PAH: variants seen among roughly 807,000 people sequenced by gnomAD.
PAH encodes the protein phenylalanine-4-hydroxylase.
In PAH, 64 loss-of-function variants were observed where a neutral mutation model predicts 62.0. The ratio of observed to expected loss-of-function variants is 1.03; its 90% confidence interval spans 0.84 to 1.27. The LOEUF is 1.27. PAH is among the 50% of genes most tolerant of loss of function. PAH has a pLI of 0.00. For synonymous variants in PAH, 195 were observed against 196.2 expected, an observed-to-expected ratio of 0.99 and a Z score of 0.05; for missense variants, 579 against 542.8, an observed-to-expected ratio of 1.07 and a Z score of -0.66.
At chr12:102,942,609 A>G (rs1879334667) in intron 1 of PAH, among the ~76,000 whole-genome samples, 1 of 152,082 alleles carries the variant, frequency 6.6e-6, no homozygotes, top group Non-Finnish European at 1.5e-5. Flanking sequence ...GGTATTCAAA[A>G]CAATCCTAAG....
chr12:102,951,758 AT>A (rs1329858281), upstream of PAH, among the ~76,000 whole-genome samples: 1 of 151,714 alleles, frequency 6.6e-6, no homozygotes, highest in Non-Finnish European at 1.5e-5. Flanking sequence ...TCTGTAGGGC[AT>A]TTTTCCCCCT....
intron 6 of PAH, chr12:102,854,824 C>CA: frequency 2.4e-6 from 1 of 421,088 alleles, no homozygotes; most frequent in African/African-American, 2.0e-5. Context: ...CAAAACAAAA[C>CA]AAAACAAAAA....
At chr12:102,903,388 A>AAC (rs3062646) in intron 2 of PAH, among the ~76,000 whole-genome samples, 44,124 of 147,842 alleles carry the variant, frequency 0.3, 7,246 homozygotes, top group African/African-American at 0.45. Context: ...ACACACACAA[A>AAC]AAACAAACAA....
Position 102,840,701 on chromosome 12 carries a change from A to G in PAH, c.1200-186T>C, listed in dbSNP as rs798709. 0.89 allele frequency among the ~76,000 whole-genome samples: 135,120 copies of G among 152,154 alleles called. 60,175 individuals are homozygous for G. Among genetic ancestry groups the G allele is most frequent in the African/African-American group, 0.95 (39,470 of 41,532 alleles). ...ATGAGTCTTCTTGGGAAGCCTCTGT[A>G]TGTGTGTATGTGTATGTACAAACAC... On this transcript the variant is annotated intron_variant, in intron 11 of 12. Transcript: ENST00000553106.
At chr12:102,886,450 T>C (rs1877047992) in intron 3 of PAH, among the ~76,000 whole-genome samples, 1 of 152,192 alleles carries the variant, frequency 6.6e-6, no homozygotes, top group Admixed American at 6.5e-5. Context: ...CTTTTTAAGA[T>C]ACTATGTATC....
At chr12:102,952,049 A>G (rs114622826), upstream of PAH, among the ~76,000 whole-genome samples, 403 of 152,126 alleles carry the variant, frequency 2.6e-3, 3 homozygotes, top group African/African-American at 8.9e-3. Flanking sequence ...ATAAGGGGAG[A>G]CTCAAGAGCG....
chr12:102,949,834 T>G (rs1291789186), intron 1 of PAH, among the ~76,000 whole-genome samples: 1 of 152,166 alleles, frequency 6.6e-6, no homozygotes, highest in African/African-American at 2.4e-5. Flanking sequence ...TTCTCCATGG[T>G]TGCCCCCACC....
At chr12:102,851,605 A>T in intron 8 of PAH, 82 bp downstream of exon 8, 2 of 1,116,794 alleles carry the variant, frequency 1.8e-6, no homozygotes, top group Non-Finnish European at 2.7e-6. Context: ...AGAGGGCATG[A>T]GGACCCCTCC....
At chr12:102,915,820 A>ATT (rs11384108) in intron 1 of PAH, among the ~76,000 whole-genome samples, 2 of 152,034 alleles carry the variant, frequency 1.3e-5, no homozygotes, top group Admixed American at 1.3e-4. Flanking sequence ...TATACAGCCT[A>ATT]TTTTTTTAAT....
chr12:102,958,344 ACGGCCGCAGCCGCGG>A lies in PAH; in HGVS notation c.-260_-246del, dbSNP rs533680685. On this transcript the variant is annotated 5_prime_UTR_variant, in exon 1 of 5. Coordinates refer to the PAH transcript ENST00000551337. ...GCCGCCCGCAGCCTGTTTCTTTGCC[ACGGCCGCAGCCGCGG>A]CGGCCGCAGCCGCCGCAGCGGCAGC... 2,741 of 1,452,160 alleles carry A rather than the reference ACGGCCGCAGCCGCGG, an allele frequency of 1.9e-3. 41 individuals carry two copies. Among genetic ancestry groups the A allele is most frequent in the African/African-American group, 0.016 (1,086 of 67,132 alleles). The allele number at this position is 1,452,160 out of a possible 1,614,324, so 90.0% of individuals were successfully genotyped here. A position where few individuals can be genotyped will look rare whatever the true frequency, so the allele number is the denominator to read the frequency against.
chr12:102,907,399 C>T lies in PAH; in HGVS notation c.168+5392G>A, dbSNP rs533102232. On this transcript the variant is annotated intron_variant, in intron 2 of 12. Coordinates refer to ENST00000553106, the MANE Select transcript of PAH (RefSeq NM_000277.3). Reference sequence around the variant, plus strand: ...GATTCAGAGTTCAATGCCATTTCCACTGCACATTAGCTGTGTGATCTTGAG... The same window carrying T: ...GATTCAGAGTTCAATGCCATTTCCATTGCACATTAGCTGTGTGATCTTGAG... Among the ~76,000 whole-genome samples the T allele has an allele frequency of 2.0e-5, 3 of 152,296 alleles. No individual in the cohort carries two copies. The South Asian group carries it at 6.2e-4, about 32-fold the overall frequency.
chr12:102,927,896 A>G (rs1498701), intron 1 of PAH, among the ~76,000 whole-genome samples: 9,181 of 152,246 alleles, frequency 0.06, 330 homozygotes, highest in Admixed American at 0.1. Flanking sequence ...TGTCACATTT[A>G]TTCTTTCCCA....
At chr12:102,942,798 A>T (rs1212202449) in intron 1 of PAH, among the ~76,000 whole-genome samples, 1 of 152,178 alleles carries the variant, frequency 6.6e-6, no homozygotes, top group Admixed American at 6.5e-5. Flanking sequence ...CAAAGCTGAC[A>T]ATCATAAGCA....
chr12:102,871,535 A>T (rs2067154516), intron 4 of PAH, among the ~76,000 whole-genome samples: 1 of 152,136 alleles, frequency 6.6e-6, no homozygotes, highest in African/African-American at 2.4e-5. Flanking sequence ...CACATATGTT[A>T]ATAATGATTA....
In PAH at chr12:102,896,269, T is replaced by C. The variant is rs558572882; in HGVS notation, c.169-1351A>G. On this transcript the variant is annotated intron_variant, in intron 2 of 12. Coordinates refer to ENST00000553106, the MANE Select transcript of PAH (RefSeq NM_000277.3). ...GAAGGCCGGAAGGTGGCAGCATGCC[T>C]GGCCTGTTGAAGAGACAGCCACAAG... Among the ~76,000 whole-genome samples the C allele has an allele frequency of 2.6e-5, 4 of 152,308 alleles. No individual in the cohort carries two copies. The South Asian group carries it at 8.3e-4, about 32-fold the overall frequency.
chr12:102,895,063 T>C, intron 2 of PAH, 145 bp from the exon 3 acceptor site: 1 of 688,384 alleles, frequency 1.5e-6, no homozygotes, highest in South Asian at 1.8e-5. Context: ...AAAAAGTCCT[T>C]AAATTTGCAA....
intron 2 of PAH, among the ~76,000 whole-genome samples, chr12:102,908,468 C>T (rs980947225): frequency 6.6e-6 from 1 of 152,154 alleles, no homozygotes; most frequent in African/African-American, 2.4e-5. Context: ...TTCTCATGGA[C>T]AGTTTGTTGC....
intron 9 of PAH, among the ~76,000 whole-genome samples, chr12:102,846,622 G>A (rs1214116065): frequency 6.6e-6 from 1 of 152,186 alleles, no homozygotes; most frequent in Non-Finnish European, 1.5e-5. Flanking sequence ...TATGCCAAGG[G>A]TTTTCAAGGG....
chr12:102,946,299 A>G (rs1256954991), intron 1 of PAH, among the ~76,000 whole-genome samples: 2 of 152,236 alleles, frequency 1.3e-5, no homozygotes, highest in African/African-American at 2.4e-5. Flanking sequence ...CCGCAAGTCC[A>G]CTGGCTCTGA....
Sources: allele counts gnomAD v4.1 joint callset (sites outside exome capture counted in the v4.1 genomes callset), GRCh38; gene constraint gnomAD v4.1.1; transcripts MANE v1.5; gene names NCBI Gene and HGNC (gene_info 2026-07-23, HGNC 2026-07-21).